The following MAP1LC3B2 variants were observed in gnomAD, a reference collection of about 807,000 sequenced individuals.
MAP1LC3B2 encodes the protein microtubule associated protein 1 light chain 3 beta 2, also known as microtubule-associated protein 1 light chain 3 beta 2.
For synonymous variants in MAP1LC3B2, 62 were observed against 57.8 expected (o/e 1.07, Z -0.33); for missense variants, 155 against 154.6 (o/e 1.00, Z -0.01).
chr12:116,570,003 G>A (rs1045132479), intron 1 of MAP1LC3B2, among the ~76,000 whole-genome samples: 5 of 152,050 alleles, frequency 3.3e-5, no homozygotes, highest in African/African-American at 9.7e-5. Context: ...GCAGGGAGCC[G>A]AGATCGCGCC....
intron 1 of MAP1LC3B2, among the ~76,000 whole-genome samples, chr12:116,566,554 A>G (rs952284982): frequency 5.6e-5 from 8 of 143,098 alleles, no homozygotes; most frequent in African/African-American, 2.3e-4. Flanking sequence ...TTCTTGTATG[A>G]TCATACCCAT....
chr12:116,564,636 G>A (rs1869345872), intron 1 of MAP1LC3B2, among the ~76,000 whole-genome samples: 1 of 152,190 alleles, frequency 6.6e-6, no homozygotes, highest in African/African-American at 2.4e-5. Context: ...TGACAGTCTT[G>A]TATCATTTTA....
At chr12:116,567,869 C>G (rs1869431691) in intron 1 of MAP1LC3B2, among the ~76,000 whole-genome samples, 1 of 152,052 alleles carries the variant, frequency 6.6e-6, no homozygotes, top group South Asian at 2.1e-4. Context: ...TTTTATAGAA[C>G]AGTGGGAAGG....
chr12:116,566,651 G>T (rs909692519), intron 1 of MAP1LC3B2, among the ~76,000 whole-genome samples: 1 of 143,514 alleles, frequency 7.0e-6, no homozygotes, highest in Non-Finnish European at 1.5e-5. Flanking sequence ...AAGAATTGAG[G>T]CCAGGTGTGG....
chr12:116,563,777 C>G (rs1485851183), intron 1 of MAP1LC3B2, among the ~76,000 whole-genome samples: 2 of 152,136 alleles, frequency 1.3e-5, no homozygotes, highest in Non-Finnish European at 2.9e-5. Flanking sequence ...CCCTGACACT[C>G]TGATTATTTA....
chr12:116,565,673 G>A (rs1869368330), intron 1 of MAP1LC3B2, among the ~76,000 whole-genome samples: 2 of 152,182 alleles, frequency 1.3e-5, no homozygotes, highest in South Asian at 4.1e-4. Flanking sequence ...AAATTTCTGG[G>A]AGGAGATATA....
chr12:116,575,395 T>C (rs1338530069), intron 1 of MAP1LC3B2, among the ~76,000 whole-genome samples: 1 of 152,190 alleles, frequency 6.6e-6, no homozygotes, highest in Non-Finnish European at 1.5e-5. Context: ...GATAATTCTT[T>C]ATTGTTTGAA....
chr12:116,573,396 G>A (rs1301384866), intron 1 of MAP1LC3B2, among the ~76,000 whole-genome samples: 1 of 152,102 alleles, frequency 6.6e-6, no homozygotes, highest in Non-Finnish European at 1.5e-5. Flanking sequence ...CAAGAACCTG[G>A]GGGCAGAAAT....
At chr12:116,571,791 A>G (rs936466995) in intron 1 of MAP1LC3B2, among the ~76,000 whole-genome samples, 4 of 151,904 alleles carry the variant, frequency 2.6e-5, no homozygotes, top group Non-Finnish European at 4.4e-5. Context: ...ACGGACTGCT[A>G]TTCTTAGGGA....
chr12:116,576,036 C>T lies in MAP1LC3B2; in HGVS notation c.94C>T (p.Pro32Ser), dbSNP rs763583169. ...LIREQHPTKIPVIIERYKGEK... is the reference protein window; with the variant it reads ...LIREQHPTKISVIIERYKGEK... ...TCGAGAGCAGCATCCAACCAAAATCCCGGTGATAATAGAACGATACAAGGG... is the reference window on the plus strand; with the variant it reads ...TCGAGAGCAGCATCCAACCAAAATCTCGGTGATAATAGAACGATACAAGGG... The change falls in exon 2 of 2, where the codon CCG (proline) becomes TCG (serine). Residue 32 changes from proline to serine, a missense_variant. Pro to Ser is a moderately conservative substitution (Grantham distance 74). Transcript: ENST00000556529. 1 of 1,614,154 alleles carries T rather than the reference C, an allele frequency of 6.2e-7. No homozygotes were observed.
At chr12:116,571,773 G>T (rs1283769416) in intron 1 of MAP1LC3B2, among the ~76,000 whole-genome samples, 1 of 151,930 alleles carries the variant, frequency 6.6e-6, no homozygotes, top group African/African-American at 2.4e-5. Flanking sequence ...AAGCCACCGC[G>T]CCCGGCCACG....
intron 1 of MAP1LC3B2, among the ~76,000 whole-genome samples, chr12:116,569,959 C>T (rs1043898738): frequency 2.0e-5 from 3 of 152,096 alleles, no homozygotes; most frequent in Admixed American, 2.0e-4. Context: ...GAGGCTGAGA[C>T]AGGAGAATTG....
chr12:116,571,263 G>A (rs1869522627), intron 1 of MAP1LC3B2, among the ~76,000 whole-genome samples: 1 of 152,104 alleles, frequency 6.6e-6, no homozygotes, highest in African/African-American at 2.4e-5. Flanking sequence ...TCTTGGAAGT[G>A]CACAGTAAAA....
chr12:116,575,933 T>TC lies in MAP1LC3B2; in HGVS notation c.-6dup. 6.2e-7 allele frequency: 1 copy of TC among 1,613,966 alleles called. No individual in the cohort carries two copies. Among genetic ancestry groups the TC allele is most frequent in the Non-Finnish European group, 8.5e-7 (1 of 1,179,972 alleles). ...CGCGTCGTCGCCGCCGCGGCCCAGA[T>TC]CCCCACACCATGCCGTCGGAGAAGA... On this transcript the variant is annotated 5_prime_UTR_variant, in exon 2 of 2. Coordinates refer to ENST00000556529, the MANE Select transcript of MAP1LC3B2 (RefSeq NM_001085481.3).
At chr12:116,575,623 C>A (rs1869652157) in intron 1 of MAP1LC3B2, among the ~76,000 whole-genome samples, 1 of 152,172 alleles carries the variant, frequency 6.6e-6, no homozygotes, top group Non-Finnish European at 1.5e-5. Flanking sequence ...TGAAGGAGTG[C>A]TTTTCAATAA....
chr12:116,571,774 C>G (rs1315234592), intron 1 of MAP1LC3B2, among the ~76,000 whole-genome samples: 1 of 151,982 alleles, frequency 6.6e-6, no homozygotes, highest in Non-Finnish European at 1.5e-5. Flanking sequence ...AGCCACCGCG[C>G]CCGGCCACGG....
chr12:116,560,249 T>C (rs1869236288), intron 1 of MAP1LC3B2, among the ~76,000 whole-genome samples: 1 of 130,974 alleles, frequency 7.6e-6, no homozygotes, highest in African/African-American at 2.8e-5. Flanking sequence ...TATGTATGTA[T>C]ATGTATATAT....
At position 116,561,173 on chromosome 12, in the gene MAP1LC3B2, G is replaced by A. The variant is rs548793707; in HGVS notation, c.-102+1740G>A. 3.9e-5 allele frequency among the ~76,000 whole-genome samples: 6 copies of A among 152,208 alleles called. No homozygotes were observed. The South Asian group carries it at 1.2e-3, about 32-fold the overall frequency. On this transcript the variant is annotated intron_variant, in intron 1 of 1. Coordinates refer to ENST00000556529, the MANE Select transcript of MAP1LC3B2 (RefSeq NM_001085481.3). ...GCCTGTGGTCCCAGCTACTTGTGAG[G>A]CTGAGACAGGAGGATCTCTTGAGCC...
intron 1 of MAP1LC3B2, among the ~76,000 whole-genome samples, chr12:116,572,243 G>T (rs897082243): frequency 6.6e-6 from 1 of 152,152 alleles, no homozygotes. Flanking sequence ...TTTTGGTATT[G>T]CATATGAAAG....
Sources: allele counts gnomAD v4.1 joint callset (sites outside exome capture counted in the v4.1 genomes callset), GRCh38; gene constraint gnomAD v4.1.1; transcripts MANE v1.5; gene names NCBI Gene and HGNC (gene_info 2026-07-23, HGNC 2026-07-21).